The following RBM20 variants were observed in gnomAD, a reference collection of about 807,000 sequenced individuals.
RBM20 encodes RNA-binding protein 20.
RBM20 carries 51 observed loss-of-function variants against 110.1 expected under a neutral mutation model. The observed-to-expected ratio is 0.46, with a 90% CI of 0.37 to 0.59. The LOEUF (loss-of-function observed/expected upper bound fraction) is 0.59, where lower values mean the gene tolerates loss of function less well. Among genes scored for constraint, RBM20 ranks in the 20% least tolerant of loss-of-function variants. The pLI, the probability that RBM20 is intolerant of heterozygous loss-of-function variation, is 0.00. For missense variants in RBM20, 1,512 were observed against 1,574.9 expected (o/e 0.96, Z 0.68); for synonymous variants, 589 against 618.2 (o/e 0.95, Z 0.70).
intron 1 of RBM20, among the ~76,000 whole-genome samples, chr10:110,746,213 CA>C (rs1348557046): frequency 6.6e-6 from 1 of 152,130 alleles, no homozygotes; most frequent in Non-Finnish European, 1.5e-5. Context: ...GGGTGAGGGG[CA>C]AACTCTGAGG....
At chr10:110,657,532 CTT>C (rs1198790677) in intron 1 of RBM20, among the ~76,000 whole-genome samples, 3 of 152,092 alleles carry the variant, frequency 2.0e-5, no homozygotes, top group East Asian at 1.9e-4. Context: ...TGGTAAGAGT[CTT>C]TGAAAATTCT....
intron 1 of RBM20, among the ~76,000 whole-genome samples, chr10:110,696,967 A>G (rs1862673508): frequency 1.3e-5 from 2 of 152,056 alleles, no homozygotes; most frequent in South Asian, 2.1e-4. Context: ...GCTCCCTGCC[A>G]CCAAAGGCAA....
intron 12 of RBM20, 21 bp from the exon 13 acceptor site, chr10:110,831,040 C>T: frequency 1.9e-6 from 3 of 1,545,528 alleles, no homozygotes; most frequent in Non-Finnish European, 2.6e-6. Flanking sequence ...CCCTGCGTGT[C>T]TATCCCCCAT....
chr10:110,676,481 G>C (rs556612189), intron 1 of RBM20, among the ~76,000 whole-genome samples: 39 of 152,236 alleles, frequency 2.6e-4, no homozygotes, highest in Non-Finnish European at 2.9e-4. Context: ...AAGATGAAAT[G>C]CTAATTCTAA....
chr10:110,745,661 A>G (rs145506428), intron 1 of RBM20, among the ~76,000 whole-genome samples: 24 of 152,314 alleles, frequency 1.6e-4, no homozygotes, highest in African/African-American at 5.5e-4. Context: ...TCTCAGGAGT[A>G]GCCGTCATAT....
At chr10:110,647,885 C>T (rs553109216) in intron 1 of RBM20, among the ~76,000 whole-genome samples, 5 of 152,144 alleles carry the variant, frequency 3.3e-5, no homozygotes, top group Non-Finnish European at 5.9e-5. Flanking sequence ...CACTCAATTC[C>T]GTGTGAAATG....
intron 1 of RBM20, among the ~76,000 whole-genome samples, chr10:110,704,272 C>T (rs1237630042): frequency 1.3e-5 from 2 of 152,146 alleles, no homozygotes; most frequent in Non-Finnish European, 2.9e-5. Context: ...ATATGTACCA[C>T]AGTTTGTTTA....
intron 1 of RBM20, among the ~76,000 whole-genome samples, chr10:110,773,935 TTAAC>T (rs1273679013): frequency 6.6e-6 from 1 of 152,186 alleles, no homozygotes; most frequent in Non-Finnish European, 1.5e-5. Context: ...AAACTCATGT[TTAAC>T]TAACCCAAAC....
intron 5 of RBM20, among the ~76,000 whole-genome samples, chr10:110,787,850 G>A (rs1290199627): frequency 6.6e-6 from 1 of 151,896 alleles, no homozygotes; most frequent in Non-Finnish European, 1.5e-5. Flanking sequence ...CATTTTGGGA[G>A]CTAGGAGGGG....
intron 1 of RBM20, among the ~76,000 whole-genome samples, chr10:110,779,545 AT>A (rs1183085947): frequency 6.6e-6 from 1 of 152,174 alleles, no homozygotes; most frequent in Non-Finnish European, 1.5e-5. Flanking sequence ...TCTAATTCTG[AT>A]TTACAGCCAG....
At chr10:110,716,774 A>C (rs2134923272) in intron 1 of RBM20, among the ~76,000 whole-genome samples, 1 of 151,970 alleles carries the variant, frequency 6.6e-6, no homozygotes, top group African/African-American at 2.4e-5. Context: ...AAAATTAGCC[A>C]GGTGTGGTGG....
In RBM20 at chr10:110,781,322, A is replaced by G. The variant is rs1467340536; in HGVS notation, c.713A>G (p.Gln238Arg). 1 of 1,551,616 alleles carries G rather than the reference A, an allele frequency of 6.4e-7. No homozygotes were observed. Reference sequence around the variant, plus strand: ...GAGTATGGCAAAGCCAGCTCTGGCCAGACATATGGCCCTGAAACAGATGGT... The same window carrying G: ...GAGTATGGCAAAGCCAGCTCTGGCCGGACATATGGCCCTGAAACAGATGGT... ...FYEYGKASSG[Q>R]TYGPETDGQP... Residue 238 changes from glutamine (Q) to arginine (R), a missense_variant, in exon 2 of 14, where the codon CAG (glutamine) becomes CGG (arginine). This residue lies in a region of RBM20 where 1,149 missense variants were observed against 1,169.4 expected (regional missense o/e 0.98). Transcript: ENST00000369519.
intron 1 of RBM20, among the ~76,000 whole-genome samples, chr10:110,697,098 T>C (rs1862676073): frequency 6.6e-6 from 1 of 152,226 alleles, no homozygotes; most frequent in South Asian, 2.1e-4. Context: ...TGATATGACT[T>C]TGAGTTATGT....
chr10:110,810,358 A>G (rs1230381977), intron 7 of RBM20, 25 bp from the exon 8 acceptor site: 2 of 1,536,870 alleles, frequency 1.3e-6, no homozygotes, highest in Admixed American at 2.0e-5. Flanking sequence ...CTCTGATCTG[A>G]TGGTGATCTC....
intron 1 of RBM20, among the ~76,000 whole-genome samples, chr10:110,678,106 A>G (rs1862366306): frequency 6.6e-6 from 1 of 152,158 alleles, no homozygotes; most frequent in South Asian, 2.1e-4. Flanking sequence ...TAAAACATAA[A>G]CTGGGATAAA....
chr10:110,835,663 A>G (rs2135147461), intron 13 of RBM20: 6 of 464,438 alleles, frequency 1.3e-5, no homozygotes, highest in Non-Finnish European at 1.9e-5. Flanking sequence ...TACAGGAGAC[A>G]TGTATTACTT....
chr10:110,699,848 G>C (rs1344110277), intron 1 of RBM20, among the ~76,000 whole-genome samples: 4 of 152,046 alleles, frequency 2.6e-5, no homozygotes, highest in Admixed American at 2.0e-4. Context: ...ATTATGAAGC[G>C]AAATAAGGAT....
chr10:110,676,139 T>A (rs1189252811), intron 1 of RBM20, among the ~76,000 whole-genome samples: 2 of 152,220 alleles, frequency 1.3e-5, no homozygotes, highest in African/African-American at 4.8e-5. Flanking sequence ...CTGACTGCAT[T>A]TCCTTTTGTC....
chr10:110,732,732 G>C (rs533225565), intron 1 of RBM20, among the ~76,000 whole-genome samples: 1 of 152,258 alleles, frequency 6.6e-6, no homozygotes, highest in African/African-American at 2.4e-5. Context: ...CTCCTGCCCT[G>C]AGAAGACTGA....
Sources: gnomAD v4.1 joint callset for allele counts (sites outside exome capture counted in the v4.1 genomes callset) on GRCh38, gnomAD v4.1.1 for gene constraint, gnomAD v4.1.1 regional missense constraint, MANE v1.5 for transcripts, NCBI Gene and HGNC (gene_info 2026-07-23, HGNC 2026-07-21) for gene names.